NRGN: variants seen among roughly 807,000 people sequenced by gnomAD.
NRGN encodes neurogranin, also known as calmodulin-binding protein.
For missense variants in NRGN, 82 were observed against 123.0 expected, an observed-to-expected ratio of 0.67 and a Z score of 1.58; for synonymous variants, 47 against 52.8, an observed-to-expected ratio of 0.89 and a Z score of 0.47.
At position 124,745,499 on chromosome 11, in the gene NRGN, C is replaced by T; in HGVS notation, c.16-4C>T. 6.3e-7 allele frequency: 1 copy of T among 1,580,054 alleles called. No individual in the cohort carries two copies. Among genetic ancestry groups the T allele is most frequent in the Non-Finnish European group, 8.6e-7 (1 of 1,164,928 alleles). ...CCACAAGAACCCCCCTGCTTCGCCC[C>T]CAGGAGAACGCCTGCTCCAAGCCGG... is the stretch of plus-strand genomic sequence containing the variant. On this transcript the variant is annotated splice_region_variant and splice_polypyrimidine_tract_variant and intron_variant, in intron 1 of 3. Coordinates refer to ENST00000284292, the MANE Select transcript of NRGN (RefSeq NM_006176.3). The surrounding 1 kb of genome is among the most constrained non-coding windows in gnomAD (Gnocchi z 6.4).
At chr11:124,744,496 C>A (rs1304977706) in intron 1 of NRGN, 4 of 152,180 alleles carry the variant, frequency 2.6e-5, no homozygotes, top group Non-Finnish European at 5.9e-5. Context: ...TTTTCTTATC[C>A]TACAAAGTAG....
intron 1 of NRGN, among the ~76,000 whole-genome samples, chr11:124,741,222 C>T (rs1266125180): frequency 2.6e-5 from 4 of 152,186 alleles, no homozygotes; most frequent in Non-Finnish European, 4.4e-5. Context: ...TATATTTAAT[C>T]ATAGCAACAA....
Position 124,747,197 on chromosome 11 carries a change from T to C in NRGN, c.*817T>C, listed in dbSNP as rs1944024898. ...TTGGAATGTGAACAATAAAGAGGAA[T>C]GTCCAAGTGTTCAGAGGGTGCCGGG... On this transcript the variant is annotated 3_prime_UTR_variant, in exon 4 of 4. Coordinates refer to ENST00000284292, the MANE Select transcript of NRGN (RefSeq NM_006176.3). 5.1e-6 allele frequency: 1 copy of C among 195,116 alleles called. No individual in the cohort carries two copies. The highest frequency in any genetic ancestry group is 2.4e-5 in the African/African-American group (1 of 42,226). The allele number at this position is 195,116 out of a possible 1,614,324, so 12.1% of individuals were successfully genotyped here.
intron 1 of NRGN, among the ~76,000 whole-genome samples, chr11:124,741,699 T>G (rs1943967261): frequency 1.4e-5 from 2 of 146,930 alleles, no homozygotes; most frequent in Non-Finnish European, 3.0e-5. Flanking sequence ...AGGGGAGAGG[T>G]GAGGATGACA....
chr11:124,745,464 C>CA lies in NRGN; in HGVS notation c.16-39_16-38insA. The CA allele has an allele frequency of 6.8e-7, 1 of 1,479,084 alleles. No homozygotes were observed. The highest frequency in any genetic ancestry group is 9.1e-7 in the Non-Finnish European group (1 of 1,099,538). The allele number at this position is 1,479,084 out of a possible 1,614,324, so 91.6% of individuals were successfully genotyped here. A position where few individuals can be genotyped will look rare whatever the true frequency, so the allele number is the denominator to read the frequency against. On this transcript the variant is annotated intron_variant, in intron 1 of 3. Coordinates refer to ENST00000284292, the MANE Select transcript of NRGN (RefSeq NM_006176.3). The surrounding 1 kb of genome is among the most constrained non-coding windows in gnomAD (Gnocchi z 6.4). ...CCTACCCCACTCCCGCGGATCAAGA[C>CA]CCAGTGACCCCACAAGAACCCCCCT... is the stretch of plus-strand genomic sequence containing the variant.
intron 1 of NRGN, among the ~76,000 whole-genome samples, chr11:124,743,274 G>C (rs988337412): frequency 2.6e-5 from 4 of 152,194 alleles, no homozygotes; most frequent in Admixed American, 2.0e-4. Flanking sequence ...AGCGTGGTTG[G>C]AGGCAGATAT....
chr11:124,746,794 T>C lies in NRGN; in HGVS notation c.*414T>C, dbSNP rs1248097372. The C allele has an allele frequency of 6.6e-6, 1 of 152,374 alleles. No individual in the cohort carries two copies. The highest frequency in any genetic ancestry group is 1.5e-5 in the Non-Finnish European group (1 of 68,036). 9.4% of individuals were successfully genotyped at this position (152,374 alleles called of 1,614,324 possible). ...TCACTTAAAGAAAAAACGAGTTCTT[T>C]CGTTCTGTGCGCAGCTAAAAGGGGC... On this transcript the variant is annotated 3_prime_UTR_variant, in exon 4 of 4. Coordinates refer to ENST00000284292, the MANE Select transcript of NRGN (RefSeq NM_006176.3).
chr11:124,741,806 G>A (rs1296096612), intron 1 of NRGN, among the ~76,000 whole-genome samples: 1 of 152,024 alleles, frequency 6.6e-6, no homozygotes, highest in Non-Finnish European at 1.5e-5. Flanking sequence ...AATGGAATTG[G>A]TCTCCTCTGT....
chr11:124,743,488 T>G (rs1943982893), intron 1 of NRGN, among the ~76,000 whole-genome samples: 1 of 152,220 alleles, frequency 6.6e-6, no homozygotes, highest in East Asian at 1.9e-4. Flanking sequence ...TGTTTGGCCT[T>G]TCCACAACCA....
chr11:124,742,934 C>G (rs1401242725), intron 1 of NRGN, among the ~76,000 whole-genome samples: 1 of 152,236 alleles, frequency 6.6e-6, no homozygotes, highest in East Asian at 1.9e-4. Context: ...AGGCTTGGAC[C>G]CCACTTTGCT....
intron 1 of NRGN, among the ~76,000 whole-genome samples, chr11:124,741,982 A>G (rs1448054155): frequency 3.3e-5 from 5 of 152,124 alleles, no homozygotes. Context: ...CAGATACACA[A>G]TTATCTCCAT....
rs1003641738 is a variant in NRGN, at chr11:124,745,557, C to T, written c.70C>T (p.Pro24Ser). The T allele has an allele frequency of 1.2e-6, 2 of 1,606,278 alleles. No individual in the cohort carries two copies. Among genetic ancestry groups the T allele is most frequent in the Non-Finnish European group, 1.7e-6 (2 of 1,177,524 alleles). Residue 24 changes from proline to serine, a missense_variant, in exon 2 of 4, where the codon CCC becomes TCC. Transcript: ENST00000284292. The surrounding 1 kb of genome is among the most constrained non-coding windows in gnomAD (Gnocchi z 6.4). ...CATTCTAGACATCCCGCTGGACGAT[C>T]CCGGCGCCAACGCGGCCGCCGCCAA... is the stretch of plus-strand genomic sequence containing the variant. ...DDILDIPLDD[P>S]GANAAAAKIQ...
At chr11:124,743,412 C>CAAGAAAGACTTGAGCTCT (rs1943982237) in intron 1 of NRGN, among the ~76,000 whole-genome samples, 1 of 152,192 alleles carries the variant, frequency 6.6e-6, no homozygotes, top group Non-Finnish European at 1.5e-5. Context: ...GAGGATATCC[C>CAAGAAAGACTTGAGCTCT]AAGAAAGACT....
Position 124,745,735 on chromosome 11 carries a change from G to T in NRGN, c.*5+6G>T. ...CCCAGCGGAGACTAGGCCAGGTGAG[G>T]CGGGCGGCGCGCGGCTGGCTGACAG... On this transcript the variant is annotated splice_donor_region_variant and intron_variant, in intron 2 of 3. Transcript: ENST00000284292. The surrounding 1 kb of genome is among the most constrained non-coding windows in gnomAD (Gnocchi z 6.4). 1 of 1,298,708 alleles carries T rather than the reference G, an allele frequency of 7.7e-7. No homozygotes were observed. Among genetic ancestry groups the T allele is most frequent in the Non-Finnish European group, 9.8e-7 (1 of 1,018,332 alleles). 80.4% of individuals were successfully genotyped at this position (1,298,708 alleles called of 1,614,324 possible).
At chr11:124,743,255 G>T (rs575168472) in intron 1 of NRGN, among the ~76,000 whole-genome samples, 2 of 152,216 alleles carry the variant, frequency 1.3e-5, no homozygotes, top group African/African-American at 4.8e-5. Context: ...GTGACAGCAG[G>T]TCGGGTCTAG....
rs115982392 is a variant in NRGN at position 124,743,940 on chromosome 11, T to A, written c.16-1563T>A. Among the ~76,000 whole-genome samples, 981 of 146,496 alleles carry A rather than the reference T, an allele frequency of 6.7e-3. 12 individuals carry two copies. Among genetic ancestry groups the A allele is most frequent in the African/African-American group, 0.023 (917 of 39,186 alleles). ...AAGGAGGCAAATTCCTAGAAGCCAG[T>A]GAGCCAGATCAAAGGAGAAATGTCC... is the stretch of plus-strand genomic sequence containing the variant. On this transcript the variant is annotated intron_variant, in intron 1 of 3. Transcript: ENST00000284292.
rs1229712517 is a variant in NRGN at position 124,740,818 on chromosome 11, G to T, written c.15+719G>T. 6.6e-6 allele frequency among the ~76,000 whole-genome samples: 1 copy of T among 152,254 alleles called. No individual in the cohort carries two copies. Among genetic ancestry groups the T allele is most frequent in the Non-Finnish European group, 1.5e-5 (1 of 68,042 alleles). ...GAGGGGTTTGCTGTAAAGGTGACTC[G>T]GTATGAAAGCGCCTGGCATAGGCCC... On this transcript the variant is annotated intron_variant, in intron 1 of 3. Transcript: ENST00000284292. The surrounding 1 kb of genome is among the most constrained non-coding windows in gnomAD (Gnocchi z 7.5).
chr11:124,744,644 T>C (rs1051603993), intron 1 of NRGN: 2 of 152,194 alleles, frequency 1.3e-5, no homozygotes, highest in African/African-American at 4.8e-5. Context: ...AAAAGGTACG[T>C]AATAGCTTTA....
chr11:124,745,761 C>T lies in NRGN; in HGVS notation c.*5+32C>T, dbSNP rs1330460658. The T allele has an allele frequency of 1.7e-6, 2 of 1,175,698 alleles. No individual in the cohort carries two copies. The highest frequency in any genetic ancestry group is 1.6e-5 in the African/African-American group (1 of 62,476). 72.8% of individuals were successfully genotyped at this position (1,175,698 alleles called of 1,614,324 possible). A position where few individuals can be genotyped will look rare whatever the true frequency, so the allele number is the denominator to read the frequency against. On this transcript the variant is annotated intron_variant, in intron 2 of 3. Transcript: ENST00000284292. This position sits in a 1 kb window ranked among gnomAD's most constrained non-coding sequence, Gnocchi z 6.4. ...CGGGCGGCGCGCGGCTGGCTGACAG[C>T]TGCCCTTCCCCAGCCCTCCCCAGGA...
Sources: allele counts gnomAD v4.1 joint callset (sites outside exome capture counted in the v4.1 genomes callset), GRCh38; gene constraint gnomAD v4.1.1; non-coding constraint Gnocchi (gnomAD v3.1); transcripts MANE v1.5; gene names NCBI Gene and HGNC (gene_info 2026-07-23, HGNC 2026-07-21).